THSD7B: variants seen among roughly 807,000 people sequenced by gnomAD.
The protein encoded by THSD7B is thrombospondin type 1 domain containing 7B, also known as thrombospondin type-1 domain-containing protein 7B.
In THSD7B, 138 loss-of-function variants were observed where a neutral mutation model predicts 213.6. The ratio of observed to expected loss-of-function variants is 0.65; its 90% confidence interval spans 0.56 to 0.74. The LOEUF (loss-of-function observed/expected upper bound fraction) is 0.74. Among genes scored for constraint, THSD7B ranks in the 30% least tolerant of loss-of-function variants. The pLI, the probability that THSD7B is intolerant of heterozygous loss-of-function variation, is 0.00. For missense variants in THSD7B, 1,931 were observed against 1,991.5 expected (o/e 0.97, Z 0.58); for synonymous variants, 742 against 687.0 (o/e 1.08, Z -1.25).
In THSD7B at chr2:137,056,678, C is replaced by T; in HGVS notation, c.398C>T (p.Thr133Met). 1.2e-6 allele frequency: 2 copies of T among 1,613,936 alleles called. No individual in the cohort carries two copies. Among genetic ancestry groups the T allele is most frequent in the South Asian group, 1.1e-5 (1 of 91,080 alleles). ...AAGCCTCGGACTGCAGAGTGTGTGA[C>T]GGCTCAGCATGGACTGCAGCACCGG... ...EVKPRTAECVTAQHGLQHRMV... is the reference protein window; with the variant it reads ...EVKPRTAECVMAQHGLQHRMV... Residue 133 changes from threonine (T) to methionine (M), a missense_variant, in exon 3 of 28, where the codon ACG (threonine) becomes ATG (methionine). By Grantham distance (81) the Thr-to-Met change is moderately conservative (BLOSUM62 -1). Coordinates refer to ENST00000409968, the MANE Select transcript of THSD7B (RefSeq NM_001316349.2).
At chr2:137,302,799 A>C (rs1473384311) in intron 12 of THSD7B, among the ~76,000 whole-genome samples, 3 of 152,166 alleles carry the variant, frequency 2.0e-5, no homozygotes, top group African/African-American at 7.2e-5. Flanking sequence ...GATGGATTTT[A>C]TTTTTAGAAA....
intron 2 of THSD7B, among the ~76,000 whole-genome samples, chr2:137,032,048 C>T (rs1000397606): frequency 7.2e-5 from 11 of 151,932 alleles, no homozygotes; most frequent in Non-Finnish European, 1.0e-4. Context: ...GCCATGTTAC[C>T]CAGACTGGTC....
rs557883474 is a variant in THSD7B, at chr2:137,077,472, T to C, written c.951-17401T>C. 7.6e-3 allele frequency among the ~76,000 whole-genome samples: 1,158 copies of C among 152,226 alleles called. 6 individuals are homozygous for C. Among genetic ancestry groups the C allele is most frequent in the Non-Finnish European group, 0.013 (866 of 68,006 alleles). On this transcript the variant is annotated intron_variant, in intron 3 of 27. Coordinates refer to ENST00000409968, the MANE Select transcript of THSD7B (RefSeq NM_001316349.2). ...GTAAGAGTGTTCCTATTTCTCCACA[T>C]CCTCTCCAGCACCTGTTGTTTCCTG...
intron 9 of THSD7B, among the ~76,000 whole-genome samples, chr2:137,237,091 C>T (rs1207867976): frequency 1.0e-5 from 1 of 95,440 alleles, no homozygotes; most frequent in Non-Finnish European, 2.0e-5. Context: ...CCAGCCTGGG[C>T]AATAAGAGAG....
chr2:137,261,011 C>A (rs915884731), intron 10 of THSD7B, among the ~76,000 whole-genome samples: 1 of 152,016 alleles, frequency 6.6e-6, no homozygotes, highest in African/African-American at 2.4e-5. Context: ...GGGGGTCTTG[C>A]TGTGTTGCCT....
At chr2:136,945,847 T>A (rs1684927368) in intron 2 of THSD7B, among the ~76,000 whole-genome samples, 1 of 152,192 alleles carries the variant, frequency 6.6e-6, no homozygotes, top group South Asian at 2.1e-4. Flanking sequence ...TTCTCTACAC[T>A]GTTTATTCTA....
intron 15 of THSD7B, among the ~76,000 whole-genome samples, chr2:137,498,426 C>G (rs758680413): frequency 4.6e-5 from 7 of 151,320 alleles, no homozygotes; most frequent in Non-Finnish European, 8.8e-5. Context: ...CTTGGCTGTG[C>G]GTCTTACTTC....
chr2:137,477,421 G>A (rs760623794), intron 15 of THSD7B, among the ~76,000 whole-genome samples: 82 of 151,896 alleles, frequency 5.4e-4, no homozygotes, highest in African/African-American at 1.8e-3. Context: ...TTTCTTATAG[G>A]CAGCATATAA....
chr2:136,960,315 T>C (rs1233997115), intron 2 of THSD7B, among the ~76,000 whole-genome samples: 2 of 152,012 alleles, frequency 1.3e-5, no homozygotes, highest in Admixed American at 1.3e-4. Context: ...TATTTTGTAT[T>C]TTTTGTAGAG....
chr2:137,239,369 T>C (rs1276565394), intron 9 of THSD7B, among the ~76,000 whole-genome samples: 1 of 152,116 alleles, frequency 6.6e-6, no homozygotes, highest in Admixed American at 6.5e-5. Context: ...TTCACCAATA[T>C]AAAAAGGTGA....
chr2:137,491,307 A>T (rs1302373319), intron 15 of THSD7B, among the ~76,000 whole-genome samples: 2 of 152,216 alleles, frequency 1.3e-5, no homozygotes, highest in Non-Finnish European at 2.9e-5. Flanking sequence ...AAAAGGAAAT[A>T]CATTCACCTT....
At chr2:136,920,244 CAG>C (rs1684411760) in intron 2 of THSD7B, among the ~76,000 whole-genome samples, 1 of 152,208 alleles carries the variant, frequency 6.6e-6, no homozygotes, top group Admixed American at 6.5e-5. Context: ...TACTGAGTGA[CAG>C]AATAGTTCTC....
In THSD7B at chr2:136,923,698, A is replaced by G. The variant is rs185360463; in HGVS notation, c.139+41381A>G. Among the ~76,000 whole-genome samples the G allele has an allele frequency of 1.4e-3, 219 of 152,230 alleles. 2 individuals carry two copies. The highest frequency in any genetic ancestry group is 5.1e-3 in the African/African-American group (212 of 41,532). On this transcript the variant is annotated intron_variant, in intron 2 of 27. Coordinates refer to ENST00000409968, the MANE Select transcript of THSD7B (RefSeq NM_001316349.2). The stretch of plus-strand genomic sequence containing the variant: ...TTTGGTTTTGGCTTGTGTGACTCTT[A>G]TGATTAGTGACCTTGATTATGTTTT...
At chr2:137,402,054 T>A (rs1230227589) in intron 12 of THSD7B, among the ~76,000 whole-genome samples, 1 of 152,234 alleles carries the variant, frequency 6.6e-6, no homozygotes, top group Non-Finnish European at 1.5e-5. Flanking sequence ...TGGAGAATGA[T>A]CAGCCTACTT....
chr2:137,624,205 C>G (rs1682578031), intron 20 of THSD7B, among the ~76,000 whole-genome samples: 1 of 152,142 alleles, frequency 6.6e-6, no homozygotes, highest in Non-Finnish European at 1.5e-5. Context: ...TTTGACAAAC[C>G]TGACAAAAAC....
chr2:137,528,948 G>T (rs1460141598), intron 15 of THSD7B, among the ~76,000 whole-genome samples: 1 of 151,982 alleles, frequency 6.6e-6, no homozygotes, highest in African/African-American at 2.4e-5. Flanking sequence ...CACACCAAAA[G>T]TTCTTGGCAT....
rs889797467 is a variant in THSD7B, at chr2:136,864,299, T to A, written c.-35-17845T>A. On this transcript the variant is annotated intron_variant, in intron 1 of 27. Coordinates refer to ENST00000409968, the MANE Select transcript of THSD7B (RefSeq NM_001316349.2). ...CAGTGTGTTCTCTGGATTTTCTTTTTTGAAAAAAATCTGCAAAATTCAAGT... is the reference window on the plus strand; with the variant it reads ...CAGTGTGTTCTCTGGATTTTCTTTTATGAAAAAAATCTGCAAAATTCAAGT... Among the ~76,000 whole-genome samples, 9 of 152,256 alleles carry A rather than the reference T, an allele frequency of 5.9e-5. No individual in the cohort carries two copies. The Middle Eastern group carries it at 0.01, about 173-fold the overall frequency.
chr2:137,493,536 C>T (rs973450333), intron 15 of THSD7B, among the ~76,000 whole-genome samples: 11 of 152,172 alleles, frequency 7.2e-5, no homozygotes, highest in Admixed American at 2.6e-4. Context: ...GCACTCATGG[C>T]GCACAACTTC....
At chr2:137,457,298 T>A (rs1687782234) in intron 15 of THSD7B, among the ~76,000 whole-genome samples, 1 of 152,220 alleles carries the variant, frequency 6.6e-6, no homozygotes, top group Non-Finnish European at 1.5e-5. Context: ...ATTGCTACTC[T>A]GCATTGCATC....
Sources: gnomAD v4.1 joint callset for allele counts (sites outside exome capture counted in the v4.1 genomes callset) on GRCh38, gnomAD v4.1.1 for gene constraint, MANE v1.5 for transcripts, NCBI Gene and HGNC (gene_info 2026-07-23, HGNC 2026-07-21) for gene names.